ABHD12: variants seen among roughly 807,000 people sequenced by gnomAD.
ABHD12 encodes lysophosphatidylserine lipase ABHD12.
A neutral mutation model predicts 58.3 loss-of-function variants in ABHD12; 43 were observed. The ratio of observed to expected loss-of-function variants is 0.74; its 90% CI spans 0.58 to 0.95. ABHD12 has a LOEUF of 0.95. Ranked by LOEUF, ABHD12 falls within the 40% of genes least tolerant of loss-of-function variation. ABHD12 has a pLI of 0.00. For missense variants in ABHD12, 539 were observed against 537.2 expected, an observed-to-expected ratio of 1.00 and a Z score of -0.03; for synonymous variants, 219 against 211.2, an observed-to-expected ratio of 1.04 and a Z score of -0.32.
intron 5 of ABHD12, among the ~76,000 whole-genome samples, chr20:25,315,780 A>G (rs944209486): frequency 3.3e-5 from 5 of 152,172 alleles, no homozygotes; most frequent in Non-Finnish European, 7.4e-5. Context: ...ACTTAATGCA[A>G]TGTACTCCAC....
At chr20:25,345,190 A>G (rs2089502744) in intron 1 of ABHD12, among the ~76,000 whole-genome samples, 1 of 151,762 alleles carries the variant, frequency 6.6e-6, no homozygotes, top group South Asian at 2.1e-4. Flanking sequence ...GGTTCAAGCT[A>G]TTCTCCTGCC....
chr20:25,383,954 CAAAAAAAAAAAAA>C (rs1201588127), intron 1 of ABHD12, among the ~76,000 whole-genome samples: 1 of 53,374 alleles, frequency 1.9e-5, no homozygotes, highest in East Asian at 6.8e-4. Context: ...GACTCTTTCT[CAAAAAAAAAAAAA>C]AAAAAAAGAA....
intron 2 of ABHD12, among the ~76,000 whole-genome samples, chr20:25,325,616 A>C (rs1271385121): frequency 6.6e-6 from 1 of 152,164 alleles, no homozygotes; most frequent in African/African-American, 2.4e-5. Flanking sequence ...CCAAGCCGGG[A>C]ATGCTGCCAG....
chr20:25,306,356 T>C (rs1261787921), intron 10 of ABHD12, among the ~76,000 whole-genome samples: 1 of 152,178 alleles, frequency 6.6e-6, no homozygotes, highest in Non-Finnish European at 1.5e-5. Context: ...TTACAGTTCT[T>C]TACTTGCCCC....
rs560429672 is a variant in ABHD12, at chr20:25,373,145, C to T, written c.191+17368G>A. On this transcript the variant is annotated intron_variant, in intron 1 of 12. Coordinates refer to ENST00000339157, the MANE Select transcript of ABHD12 (RefSeq NM_001042472.3). Reference sequence around the variant, plus strand: ...GTTTGTGTAAATACACTCTGATCTTCGCGTGACAATGCACTTGCCTAACAC... The same window carrying T: ...GTTTGTGTAAATACACTCTGATCTTTGCGTGACAATGCACTTGCCTAACAC... Among the ~76,000 whole-genome samples, 6 of 152,278 alleles carry T rather than the reference C, an allele frequency of 3.9e-5. No individual in the cohort carries two copies. In the South Asian group the frequency reaches 8.3e-4, roughly 21 times the overall value.
In ABHD12 at chr20:25,300,729, C is replaced by T; in HGVS notation, c.*116G>A. The T allele has an allele frequency of 6.3e-7, 1 of 1,582,982 alleles. No individual in the cohort carries two copies. The stretch of plus-strand genomic sequence containing the variant: ...ATCTGAGGTGCTCTCCAGGTGCGAG[C>T]TGGGCTCCTGAGCATTGCAGGTGCC... On this transcript the variant is annotated 3_prime_UTR_variant, in exon 13 of 13. Transcript: ENST00000339157.
intron 1 of ABHD12, among the ~76,000 whole-genome samples, chr20:25,376,330 A>C (rs2089962541): frequency 6.6e-6 from 1 of 152,118 alleles, no homozygotes; most frequent in Non-Finnish European, 1.5e-5. Flanking sequence ...CTTAACAACA[A>C]TCTCCATAAT....
Position 25,382,030 on chromosome 20 carries a change from C to T in ABHD12, c.191+8483G>A, listed in dbSNP as rs140091050. On this transcript the variant is annotated intron_variant, in intron 1 of 12. Coordinates refer to ENST00000339157, the MANE Select transcript of ABHD12 (RefSeq NM_001042472.3). ...GAAGATGTCACTGACCAAGCACTCACCATGTGCCAGGAACATTCCACACAC... is the reference window on the plus strand; with the variant it reads ...GAAGATGTCACTGACCAAGCACTCATCATGTGCCAGGAACATTCCACACAC... 2.6e-5 allele frequency among the ~76,000 whole-genome samples: 4 copies of T among 152,310 alleles called. No individual in the cohort carries two copies. In the East Asian group the frequency reaches 5.8e-4, roughly 22 times the overall value.
At chr20:25,349,142 G>A (rs1451205781) in intron 1 of ABHD12, among the ~76,000 whole-genome samples, 4 of 151,246 alleles carry the variant, frequency 2.6e-5, no homozygotes, top group East Asian at 1.9e-4. Context: ...CTGGCAAAAC[G>A]GGGAAAATAA....
chr20:25,330,586 G>A (rs567915143), intron 2 of ABHD12, among the ~76,000 whole-genome samples: 6 of 152,320 alleles, frequency 3.9e-5, no homozygotes, highest in Admixed American at 1.3e-4. Context: ...TGAAGAGAGC[G>A]GTGGTTCTCC....
At chr20:25,359,621 G>A (rs895283300) in intron 1 of ABHD12, among the ~76,000 whole-genome samples, 5 of 151,988 alleles carry the variant, frequency 3.3e-5, no homozygotes, top group African/African-American at 1.2e-4. Context: ...CCAGACTGGA[G>A]TGCAGTGGTG....
At chr20:25,348,415 T>C (rs1337126824) in intron 1 of ABHD12, among the ~76,000 whole-genome samples, 1 of 145,840 alleles carries the variant, frequency 6.9e-6, no homozygotes, top group Non-Finnish European at 1.5e-5. Context: ...GCCAATACAA[T>C]TTTGATAATT....
chr20:25,346,669 G>A lies in ABHD12; in HGVS notation c.192-7318C>T, dbSNP rs375266631. On this transcript the variant is annotated intron_variant, in intron 1 of 12. Transcript: ENST00000339157. ...AAGTTTATTTATTTATTTTGAGACG[G>A]AGCCTTGCTCTGTCGCCCAGGCTAG... Among the ~76,000 whole-genome samples, 4 of 152,268 alleles carry A rather than the reference G, an allele frequency of 2.6e-5. No individual in the cohort carries two copies. The East Asian group carries it at 7.7e-4, about 29-fold the overall frequency.
intron 1 of ABHD12, among the ~76,000 whole-genome samples, chr20:25,360,899 C>G (rs1482121310): frequency 6.6e-6 from 1 of 152,228 alleles, no homozygotes; most frequent in Non-Finnish European, 1.5e-5. Context: ...CATCAAGAGA[C>G]TGAAGATTTA....
chr20:25,389,508 T>C (rs2090140606), intron 1 of ABHD12, among the ~76,000 whole-genome samples: 2 of 152,092 alleles, frequency 1.3e-5, no homozygotes, highest in African/African-American at 4.8e-5. Context: ...TATAGTAACT[T>C]CTTCAAACCA....
At chr20:25,306,171 A>T (rs1334560233) in intron 10 of ABHD12, among the ~76,000 whole-genome samples, 1 of 100,874 alleles carries the variant, frequency 9.9e-6, no homozygotes, top group Non-Finnish European at 2.1e-5. Context: ...CGTCTCAAAA[A>T]AACAAAAACA....
intron 1 of ABHD12, among the ~76,000 whole-genome samples, chr20:25,375,950 G>A (rs1437909821): frequency 6.6e-6 from 1 of 152,038 alleles, no homozygotes; most frequent in Non-Finnish European, 1.5e-5. Flanking sequence ...GTGAAACCCC[G>A]TCTCTACTAA....
At chr20:25,295,636 T>A (rs201552182), downstream of ABHD12, 28 of 1,613,938 alleles carry the variant, frequency 1.7e-5, no homozygotes, top group South Asian at 3.0e-4. Flanking sequence ...GAAGCCTACA[T>A]GCAGTGCCAG....
At chr20:25,340,350 A>G (rs1400474362) in intron 1 of ABHD12, among the ~76,000 whole-genome samples, 1 of 152,254 alleles carries the variant, frequency 6.6e-6, no homozygotes, top group African/African-American at 2.4e-5. Context: ...ACATTTTTAT[A>G]AATTTCTTTA....
Sources: gnomAD v4.1 joint callset for allele counts (sites outside exome capture counted in the v4.1 genomes callset) on GRCh38, gnomAD v4.1.1 for gene constraint, MANE v1.5 for transcripts, NCBI Gene and HGNC (gene_info 2026-07-23, HGNC 2026-07-21) for gene names.